The following DGKB variants were observed in gnomAD, a reference collection of about 807,000 sequenced individuals.
DGKB encodes the protein diacylglycerol kinase beta.
DGKB carries 67 observed loss-of-function variants against 114.3 expected under a neutral mutation model. That is an observed-to-expected ratio of 0.59 (90% confidence interval 0.48 to 0.72). DGKB has a LOEUF of 0.72. DGKB is among the 30% of genes least tolerant of loss of function. The probability of loss-of-function intolerance (pLI) is 0.00; values close to 1 mark genes in which losing one functional copy is unlikely to be tolerated. For synonymous variants in DGKB, 398 were observed against 323.1 expected (o/e 1.23, Z -2.49); for missense variants, 907 against 975.2 (o/e 0.93, Z 0.93).
intron 1 of DGKB, among the ~76,000 whole-genome samples, chr7:14,919,419 A>C (rs1278885639): frequency 3.3e-5 from 5 of 152,194 alleles, no homozygotes; most frequent in African/African-American, 1.2e-4. Context: ...AGATATCCAT[A>C]TGCAAATGTA....
intron 13 of DGKB, among the ~76,000 whole-genome samples, chr7:14,639,772 T>A (rs561914645): frequency 6.6e-6 from 1 of 152,366 alleles, no homozygotes; most frequent in African/African-American, 2.4e-5. Context: ...TTTTTGTTTT[T>A]TTCTAAAGAA....
At chr7:14,874,729 T>A (rs904881865) in intron 1 of DGKB, among the ~76,000 whole-genome samples, 2 of 152,046 alleles carry the variant, frequency 1.3e-5, no homozygotes, top group Non-Finnish European at 2.9e-5. Context: ...CAGGAACAAC[T>A]GAAAAAAGCA....
In DGKB at chr7:14,352,815, C is replaced by T. The variant is rs574913987; in HGVS notation, c.1836-7424G>A. Among the ~76,000 whole-genome samples, 342 of 151,942 alleles carry T rather than the reference C, an allele frequency of 2.3e-3. 2 individuals carry two copies. Among genetic ancestry groups the T allele is most frequent in the Non-Finnish European group, 4.0e-3 (270 of 67,946 alleles). On this transcript the variant is annotated intron_variant, in intron 21 of 25. Transcript: ENST00000402815. Reference sequence around the variant, plus strand: ...GCGCGTGCCTATAATCCCAGCTACTCGGGAGGCTGAGGCAGGAGAATCGTC... The same window carrying T: ...GCGCGTGCCTATAATCCCAGCTACTTGGGAGGCTGAGGCAGGAGAATCGTC...
chr7:14,890,469 T>C (rs1255661956), intron 1 of DGKB, among the ~76,000 whole-genome samples: 1 of 151,272 alleles, frequency 6.6e-6, no homozygotes, highest in East Asian at 1.9e-4. Flanking sequence ...CATGGAAAAA[T>C]GATGTGGGGA....
chr7:14,829,628 C>T (rs139841515), intron 2 of DGKB, among the ~76,000 whole-genome samples: 271 of 152,164 alleles, frequency 1.8e-3, no homozygotes, highest in African/African-American at 6.0e-3. Context: ...TGAGGGATTG[C>T]GTGAAGCAAT....
intron 21 of DGKB, among the ~76,000 whole-genome samples, chr7:14,368,806 C>G (rs1210725274): frequency 6.6e-6 from 1 of 152,048 alleles, no homozygotes; most frequent in Non-Finnish European, 1.5e-5. Flanking sequence ...AGGGAAAACG[C>G]TTGTGAGGGA....
intron 2 of DGKB, among the ~76,000 whole-genome samples, chr7:14,799,339 G>A (rs78206327): frequency 0.01 from 1,564 of 152,284 alleles, 38 homozygotes; most frequent in African/African-American, 0.036. Flanking sequence ...TCATAATTTA[G>A]TTAACAGGGA....
intron 22 of DGKB, among the ~76,000 whole-genome samples, chr7:14,341,982 G>A (rs147065725): frequency 2.2e-4 from 33 of 151,908 alleles, no homozygotes; most frequent in African/African-American, 5.5e-4. Flanking sequence ...TCAATGAAAC[G>A]TAAAACATTA....
chr7:14,660,375 G>A (rs1283501864), intron 13 of DGKB, among the ~76,000 whole-genome samples: 1 of 151,730 alleles, frequency 6.6e-6, no homozygotes, highest in African/African-American at 2.4e-5. Context: ...GACTCTTTTT[G>A]GTTGGTAAGC....
chr7:14,164,337 C>T (rs939900889), intron 25 of DGKB, among the ~76,000 whole-genome samples: 1 of 152,234 alleles, frequency 6.6e-6, no homozygotes, highest in Non-Finnish European at 1.5e-5. Flanking sequence ...TTGCTACAAT[C>T]GCTGTGCAAC....
chr7:14,495,705 G>C (rs1785207944), intron 20 of DGKB, among the ~76,000 whole-genome samples: 1 of 151,660 alleles, frequency 6.6e-6, no homozygotes, highest in African/African-American at 2.4e-5. Flanking sequence ...TACCCTCAGA[G>C]CTGCCTGTAG....
chr7:14,218,422 C>A (rs1789358287), intron 23 of DGKB, among the ~76,000 whole-genome samples: 3 of 152,038 alleles, frequency 2.0e-5, no homozygotes, highest in African/African-American at 7.2e-5. Context: ...ATAAAAATAT[C>A]TTTCTAATGA....
intron 2 of DGKB, among the ~76,000 whole-genome samples, chr7:14,836,215 C>A (rs1370812001): frequency 6.6e-6 from 1 of 152,178 alleles, no homozygotes; most frequent in Admixed American, 6.5e-5. Flanking sequence ...ATGGAAGAAA[C>A]TGCACACCAG....
intron 23 of DGKB, among the ~76,000 whole-genome samples, chr7:14,303,786 TGTGGCCCAGGAGCCTTTCACCGAAG>T (rs778796206): frequency 3.9e-4 from 60 of 152,140 alleles, no homozygotes; most frequent in Non-Finnish European, 7.6e-4. Flanking sequence ...TGAACAGTGA[TGTGGCCCAGGAGCCTTTCACCGAAG>T]GTGGCCCAGC....
intron 25 of DGKB, among the ~76,000 whole-genome samples, chr7:14,168,422 C>G (rs566195261): frequency 6.6e-6 from 1 of 152,036 alleles, no homozygotes; most frequent in Admixed American, 6.5e-5. Flanking sequence ...GGAGATGTGC[C>G]GATGTGGCAA....
chr7:14,712,799 T>G (rs1309720707), intron 6 of DGKB, among the ~76,000 whole-genome samples: 1 of 151,986 alleles, frequency 6.6e-6, no homozygotes, highest in African/African-American at 2.4e-5. Context: ...AAAACTATAT[T>G]TAAAAATAAT....
intron 2 of DGKB, among the ~76,000 whole-genome samples, chr7:14,839,964 T>G (rs1045726429): frequency 6.6e-6 from 1 of 152,160 alleles, no homozygotes; most frequent in African/African-American, 2.4e-5. Context: ...TCTTTTCAGA[T>G]AATATACATG....
At chr7:14,454,158 T>G (rs916290071) in intron 21 of DGKB, among the ~76,000 whole-genome samples, 2 of 152,124 alleles carry the variant, frequency 1.3e-5, no homozygotes, top group African/African-American at 4.8e-5. Context: ...TTACACTTCT[T>G]CTCTTCTACC....
intron 23 of DGKB, among the ~76,000 whole-genome samples, chr7:14,332,896 T>G (rs1482658422): frequency 6.6e-6 from 1 of 152,150 alleles, no homozygotes; most frequent in Non-Finnish European, 1.5e-5. Context: ...ACCTGGACAG[T>G]TGTATCCATA....
Sources: gnomAD v4.1 joint callset for allele counts (sites outside exome capture counted in the v4.1 genomes callset) on GRCh38, gnomAD v4.1.1 for gene constraint, MANE v1.5 for transcripts, NCBI Gene and HGNC (gene_info 2026-07-23, HGNC 2026-07-21) for gene names.